Variants in GALNT13 observed in about 807,000 individuals in gnomAD.
GALNT13 encodes the protein UDP-GalNAc:polypeptide N-acetylgalactosaminyltransferase 13.
Under a neutral mutation model 64.2 loss-of-function variants are expected in GALNT13, and 28 were observed. That is an observed-to-expected ratio of 0.44 (90% CI 0.32 to 0.60). The LOEUF (loss-of-function observed/expected upper bound fraction) is 0.60. Ranked by LOEUF, GALNT13 falls within the 20% of genes least tolerant of loss-of-function variation. The pLI, the probability that GALNT13 is intolerant of heterozygous loss-of-function variation, is 0.05. For synonymous variants in GALNT13, 214 were observed against 224.6 expected (o/e 0.95, Z 0.42); for missense variants, 577 against 669.8 (o/e 0.86, Z 1.53).
At chr2:154,381,804 A>G (rs915108236) in intron 9 of GALNT13, among the ~76,000 whole-genome samples, 17 of 152,122 alleles carry the variant, frequency 1.1e-4, no homozygotes, top group African/African-American at 3.6e-4. Flanking sequence ...TGTTGTTAAT[A>G]GTTACATTTT....
intron 1 of GALNT13, among the ~76,000 whole-genome samples, chr2:153,877,195 A>G (rs1262180364): frequency 1.3e-5 from 2 of 152,046 alleles, no homozygotes; most frequent in Non-Finnish European, 2.9e-5. Flanking sequence ...TTTCTTTCAT[A>G]TTTTTTAAAG....
the GALNT13 span, among the ~76,000 whole-genome samples, chr2:153,122,079 C>G: frequency 6.6e-6 from 1 of 152,028 alleles, no homozygotes; most frequent in African/African-American, 2.4e-5. Context: ...AATAATTTCT[C>G]TATTGCTAGA....
At chr2:154,259,680 T>A (rs1559053532) in intron 8 of GALNT13, among the ~76,000 whole-genome samples, 1 of 152,168 alleles carries the variant, frequency 6.6e-6, no homozygotes, top group Non-Finnish European at 1.5e-5. Context: ...GAGGAATAAG[T>A]CCTTACGAAT....
chr2:153,642,586 G>A, the GALNT13 span, among the ~76,000 whole-genome samples: 2 of 151,638 alleles, frequency 1.3e-5, no homozygotes, highest in Non-Finnish European at 1.5e-5. Flanking sequence ...ATAAAACAGG[G>A]CTTCACAAGA....
chr2:154,272,645 C>G (rs1400039859), intron 8 of GALNT13, among the ~76,000 whole-genome samples: 1 of 152,084 alleles, frequency 6.6e-6, no homozygotes, highest in African/African-American at 2.4e-5. Context: ...TTCATATCCC[C>G]TTAAGGCCAA....
chr2:153,196,037 A>G, the GALNT13 span, among the ~76,000 whole-genome samples: 3 of 152,132 alleles, frequency 2.0e-5, no homozygotes, highest in African/African-American at 2.4e-5. Flanking sequence ...GCTGAGCCCA[A>G]GGCTTTTATA....
chr2:154,199,330 T>C (rs1015121290), intron 4 of GALNT13, among the ~76,000 whole-genome samples: 2 of 152,024 alleles, frequency 1.3e-5, no homozygotes, highest in Non-Finnish European at 1.5e-5. Context: ...GTCTAGGAAG[T>C]AGAATAAAAT....
chr2:154,172,046 G>C (rs6727679), intron 4 of GALNT13, among the ~76,000 whole-genome samples: 26,616 of 151,440 alleles, frequency 0.18, 3,115 homozygotes, highest in East Asian at 0.67. Context: ...CCTTAAGTTT[G>C]AGCCTCAAAT....
the GALNT13 span, among the ~76,000 whole-genome samples, chr2:153,583,210 T>C: frequency 6.6e-6 from 1 of 152,198 alleles, no homozygotes; most frequent in Non-Finnish European, 1.5e-5. Flanking sequence ...AATAAGCTTT[T>C]AAGCCATGAA....
intron 1 of GALNT13, among the ~76,000 whole-genome samples, chr2:153,876,202 T>TACACACACACACACAC (rs56256669): frequency 2.6e-4 from 39 of 148,742 alleles, no homozygotes; most frequent in African/African-American, 8.9e-4. Context: ...CCCCCCACAC[T>TACACACACACACACAC]ACACACACAC....
intron 8 of GALNT13, among the ~76,000 whole-genome samples, chr2:154,265,884 A>C (rs1393565922): frequency 6.6e-6 from 1 of 152,238 alleles, no homozygotes; most frequent in South Asian, 2.1e-4. Flanking sequence ...TAGCAAATCA[A>C]GTTTCTCCGT....
the GALNT13 span, among the ~76,000 whole-genome samples, chr2:153,807,242 C>T: frequency 1.3e-5 from 2 of 150,684 alleles, no homozygotes; most frequent in African/African-American, 2.4e-5. Flanking sequence ...GATAGATAGA[C>T]ATATATATAT....
At chr2:154,256,623 A>C (rs1690390737) in intron 7 of GALNT13, among the ~76,000 whole-genome samples, 1 of 152,158 alleles carries the variant, frequency 6.6e-6, no homozygotes, top group Non-Finnish European at 1.5e-5. Flanking sequence ...ATTTTACTTA[A>C]ATGATTAACA....
At chr2:153,501,801 G>T in the GALNT13 span, among the ~76,000 whole-genome samples, 155 of 152,212 alleles carry the variant, frequency 1.0e-3, no homozygotes, top group Non-Finnish European at 1.6e-3. Context: ...AGACATAAAG[G>T]CTTTTGAAAT....
chr2:154,297,891 A>G (rs1019524310), intron 8 of GALNT13, among the ~76,000 whole-genome samples: 4 of 152,068 alleles, frequency 2.6e-5, no homozygotes, highest in Non-Finnish European at 5.9e-5. Flanking sequence ...AAAAAAATAG[A>G]AAAAAATAAG....
intron 3 of GALNT13, among the ~76,000 whole-genome samples, chr2:154,112,635 C>G (rs1461836292): frequency 6.6e-6 from 1 of 152,214 alleles, no homozygotes; most frequent in African/African-American, 2.4e-5. Context: ...ATTTATCTTT[C>G]CATGCTAAGT....
At chr2:153,432,537 C>T in the GALNT13 span, among the ~76,000 whole-genome samples, 1 of 152,258 alleles carries the variant, frequency 6.6e-6, no homozygotes, top group East Asian at 1.9e-4. Flanking sequence ...AGTGACCCTA[C>T]AAGTTGACAA....
intron 8 of GALNT13, among the ~76,000 whole-genome samples, chr2:154,298,376 T>C (rs1693054201): frequency 1.4e-5 from 2 of 138,630 alleles, no homozygotes; most frequent in African/African-American, 2.6e-5. Context: ...TATCACTAAA[T>C]TACATAAATA....
chr2:153,166,896 C>T, the GALNT13 span, among the ~76,000 whole-genome samples: 1 of 152,142 alleles, frequency 6.6e-6, no homozygotes, highest in African/African-American at 2.4e-5. Context: ...AGATGAGGGC[C>T]TCAGTCCTAT....
Sources: gnomAD v4.1 joint callset for allele counts (sites outside exome capture counted in the v4.1 genomes callset) on GRCh38, gnomAD v4.1.1 for gene constraint, MANE v1.5 for transcripts, NCBI Gene and HGNC (gene_info 2026-07-23, HGNC 2026-07-21) for gene names.